Variants in OTOG observed in about 807,000 individuals in gnomAD.
The protein encoded by OTOG is otogelin.
A neutral mutation model predicts 313.8 loss-of-function variants in OTOG; 296 were observed. That is an observed-to-expected ratio of 0.94 (90% CI 0.86 to 1.04). The LOEUF is 1.04. Ranked by LOEUF, OTOG falls within the 50% of genes least tolerant of loss-of-function variation. The probability of loss-of-function intolerance (pLI) is 0.00; values close to 1 mark genes in which losing one functional copy is unlikely to be tolerated. For synonymous variants in OTOG, 1,533 were observed against 1,554.9 expected, an observed-to-expected ratio of 0.99 and a Z score of 0.33; for missense variants, 3,948 against 3,840.1, an observed-to-expected ratio of 1.03 and a Z score of -0.74.
Position 17,596,105 on chromosome 11 carries a change from A to G in OTOG, c.3476A>G (p.Lys1159Arg). 6.4e-7 allele frequency: 1 copy of G among 1,550,714 alleles called. No homozygotes were observed. Among genetic ancestry groups the G allele is most frequent in the South Asian group, 1.2e-5 (1 of 84,046 alleles). ...CCTCTCCGAGAACCATTTGCCAAGA[A>G]GGAGTGCAGCATCCTGCTCAGTGAG... ...LNPLREPFAK[K>R]ECSILLSEVF... is the part of the protein sequence containing the mutation. Residue 1159 changes from lysine (K) to arginine (R), a missense_variant, in exon 29 of 56, where the codon AAG becomes AGG. Coordinates refer to ENST00000399397, the MANE Select transcript of OTOG (RefSeq NM_001292063.2).
At position 17,618,714 on chromosome 11, in the gene OTOG, A is replaced by G. The variant is rs947025066; in HGVS notation, c.6528+5013A>G. On this transcript the variant is annotated intron_variant, in intron 39 of 55. Coordinates refer to ENST00000399397, the MANE Select transcript of OTOG (RefSeq NM_001292063.2). ...GAGTTTTATCAGTTTTTTTATTCACATATATTGAAATTCTGTTATTTAGGT... is the reference window on the plus strand; with the variant it reads ...GAGTTTTATCAGTTTTTTTATTCACGTATATTGAAATTCTGTTATTTAGGT... 2.6e-5 allele frequency among the ~76,000 whole-genome samples: 4 copies of G among 152,244 alleles called. No homozygotes were observed. The East Asian group carries it at 5.8e-4, about 22-fold the overall frequency.
chr11:17,562,212 T>A (rs1434253421), intron 15 of OTOG, among the ~76,000 whole-genome samples: 1 of 129,304 alleles, frequency 7.7e-6, no homozygotes, highest in Non-Finnish European at 1.5e-5. Context: ...CACTCCAGCC[T>A]GGGCAACAGA....
chr11:17,588,347 G>C (rs2134052571), intron 24 of OTOG, among the ~76,000 whole-genome samples: 1 of 152,282 alleles, frequency 6.6e-6, no homozygotes, highest in East Asian at 1.9e-4. Context: ...TGTGACTCGA[G>C]CATTTGCTGG....
At chr11:17,580,835 T>C (rs1306442286) in intron 23 of OTOG, among the ~76,000 whole-genome samples, 1 of 152,226 alleles carries the variant, frequency 6.6e-6, no homozygotes, top group Non-Finnish European at 1.5e-5. Context: ...ATTCCTGTTT[T>C]AAGCACAAAA....
Position 17,547,626 on chromosome 11 carries a change from C to G in OTOG, c.94+160C>G, listed in dbSNP as rs758081724. ...GGAGCAGTCAGGGGAGGAGGGACCCCGAAGCCAACAGAGGCAGGCCTATGA... is the reference window on the plus strand; with the variant it reads ...GGAGCAGTCAGGGGAGGAGGGACCCGGAAGCCAACAGAGGCAGGCCTATGA... On this transcript the variant is annotated intron_variant, in intron 1 of 55. Coordinates refer to ENST00000399397, the MANE Select transcript of OTOG (RefSeq NM_001292063.2). The G allele has an allele frequency of 8.1e-6, 10 of 1,234,526 alleles. 1 individual carries two copies. The highest frequency in any genetic ancestry group is 5.2e-4 in the Middle Eastern group (2 of 3,832). The allele number at this position is 1,234,526 out of a possible 1,614,324, so 76.5% of individuals were successfully genotyped here. A position where few individuals can be genotyped will look rare whatever the true frequency, so the allele number is the denominator to read the frequency against.
At chr11:17,609,011 G>A (rs552916131) in intron 34 of OTOG, 119 bp from the exon 35 acceptor site, 17 of 752,664 alleles carry the variant, frequency 2.3e-5, no homozygotes, top group African/African-American at 1.9e-4. Flanking sequence ...CACGTAATAA[G>A]CACATGTGTG....
chr11:17,574,160 G>A (rs1000713054), intron 19 of OTOG, among the ~76,000 whole-genome samples: 1 of 152,224 alleles, frequency 6.6e-6, no homozygotes, highest in Non-Finnish European at 1.5e-5. Flanking sequence ...GGATCCCACA[G>A]AGTGTAGGAG....
chr11:17,611,646 A>C (rs962785490), intron 36 of OTOG, among the ~76,000 whole-genome samples: 1 of 152,106 alleles, frequency 6.6e-6, no homozygotes, highest in Non-Finnish European at 1.5e-5. Context: ...TGTGATGCCC[A>C]GGTGACAATG....
At chr11:17,635,227 T>A in intron 46 of OTOG, 40 bp downstream of exon 46, 4 of 1,484,578 alleles carry the variant, frequency 2.7e-6, no homozygotes, top group Non-Finnish European at 3.6e-6. Flanking sequence ...CACAGCCTGA[T>A]CACAGTCCGC....
chr11:17,557,275 T>A lies in OTOG; in HGVS notation c.817T>A (p.Cys273Ser). The A allele has an allele frequency of 1.3e-6, 2 of 1,550,438 alleles. No homozygotes were observed. Among genetic ancestry groups the A allele is most frequent in the Non-Finnish European group, 1.7e-6 (2 of 1,146,998 alleles). ...PELLGWTHGL[C>S]GNNNADPKDD... ...GCTTCTGGGCTGGACCCATGGGCTGTGTGGGAACAACAATGCTGACCCCAA... is the reference window on the plus strand; with the variant it reads ...GCTTCTGGGCTGGACCCATGGGCTGAGTGGGAACAACAATGCTGACCCCAA... Residue 273 changes from cysteine to serine, a missense_variant, in exon 8 of 56, where the codon TGT (cysteine) becomes AGT (serine). Transcript: ENST00000399397.
At chr11:17,626,465 T>C (rs1010926330) in intron 39 of OTOG, among the ~76,000 whole-genome samples, 6 of 152,230 alleles carry the variant, frequency 3.9e-5, no homozygotes, top group Non-Finnish European at 8.8e-5. Flanking sequence ...CATGAGCCAC[T>C]GCACCCAGCC....
intron 35 of OTOG, 69 bp downstream of exon 35, chr11:17,609,278 C>A: frequency 1.4e-6 from 2 of 1,407,294 alleles, no homozygotes; most frequent in South Asian, 1.3e-5. Context: ...ACTGAGCAGT[C>A]ATGCCTCAAA....
In OTOG at chr11:17,584,485, T is replaced by G. The variant is rs182467896; in HGVS notation, c.2760-1989T>G. Among the ~76,000 whole-genome samples the G allele has an allele frequency of 2.6e-3, 403 of 152,296 alleles. 2 individuals are homozygous for G. Among genetic ancestry groups the G allele is most frequent in the African/African-American group, 9.4e-3 (389 of 41,566 alleles). Reference sequence around the variant, plus strand: ...GGGAAGTTTCTTTTTATTTCTATTATGCTGCAAATTTTTTTATAATAAATG... The same window carrying G: ...GGGAAGTTTCTTTTTATTTCTATTAGGCTGCAAATTTTTTTATAATAAATG... On this transcript the variant is annotated intron_variant, in intron 23 of 55. Coordinates refer to ENST00000399397, the MANE Select transcript of OTOG (RefSeq NM_001292063.2).
chr11:17,550,818 C>A (rs757315301), intron 3 of OTOG, among the ~76,000 whole-genome samples: 4 of 152,144 alleles, frequency 2.6e-5, no homozygotes, highest in Non-Finnish European at 5.9e-5. Flanking sequence ...TCGGGAGAAC[C>A]CAGGAACCAG....
rs1444525931 is a variant in OTOG at position 17,552,005 on chromosome 11, T to C, written c.222T>C (p.Ala74=). 3.2e-6 allele frequency: 5 copies of C among 1,550,462 alleles called. No homozygotes were observed. The highest frequency in any genetic ancestry group is 4.4e-6 in the Non-Finnish European group (5 of 1,146,870). ...CTTCCTCCTGTCTTCACAAGCAGGC[T>C]GAAGCCCCAGACTCCGTGGCCATGT... ...DKATVVGGQQ[A]EAPDSVAMSS... The change falls in exon 4 of 56, where the codon GCT becomes GCC. Residue 74 remains alanine, a synonymous_variant. Transcript: ENST00000399397.
intron 17 of OTOG, among the ~76,000 whole-genome samples, chr11:17,571,052 T>C (rs567270864): frequency 5.3e-5 from 8 of 152,268 alleles, no homozygotes; most frequent in African/African-American, 1.7e-4. Context: ...TCCTGGCCAG[T>C]CCTTGGAGTT....
At chr11:17,636,187 T>C (rs1206730506) in intron 47 of OTOG, among the ~76,000 whole-genome samples, 1 of 152,200 alleles carries the variant, frequency 6.6e-6, no homozygotes, top group African/African-American at 2.4e-5. Flanking sequence ...AATATTTTTA[T>C]AGGGCCTGGT....
rs1388540706 is a variant in OTOG, at chr11:17,593,731, A to C, written c.3263A>C (p.His1088Pro). The change falls in exon 27 of 56, where the codon CAC becomes CCC. Residue 1088 changes from histidine (H) to proline (P), a missense_variant. Physicochemically the swap from His to Pro is moderately conservative, Grantham distance 77 (BLOSUM62 -2). Coordinates refer to ENST00000399397, the MANE Select transcript of OTOG (RefSeq NM_001292063.2). ...TTGTGGGACCAGAGAACCACAGTGCACGTCCAGGCTGGGCCTCAGTGGCAG... is the reference window on the plus strand; with the variant it reads ...TTGTGGGACCAGAGAACCACAGTGCCCGTCCAGGCTGGGCCTCAGTGGCAG... ...TLLWDQRTTV[H>P]VQAGPQWQGQ... The C allele has an allele frequency of 1.3e-6, 2 of 1,548,616 alleles. No homozygotes were observed. Among genetic ancestry groups the C allele is most frequent in the Non-Finnish European group, 1.7e-6 (2 of 1,146,960 alleles).
intron 14 of OTOG, among the ~76,000 whole-genome samples, chr11:17,561,370 T>C (rs1852178815): frequency 6.6e-6 from 1 of 152,234 alleles, no homozygotes. Flanking sequence ...TCTGTATATC[T>C]AAAGACCTTC....
Sources: allele counts gnomAD v4.1 joint callset (sites outside exome capture counted in the v4.1 genomes callset), GRCh38; gene constraint gnomAD v4.1.1; transcripts MANE v1.5; gene names NCBI Gene and HGNC (gene_info 2026-07-23, HGNC 2026-07-21).